SUPT3H: variants seen among roughly 807,000 people sequenced by gnomAD.
SUPT3H encodes transcription initiation protein SPT3 homolog.
SUPT3H carries 44 observed loss-of-function variants against 44.3 expected under a neutral mutation model. The observed-to-expected ratio is 0.99, with a 90% CI of 0.78 to 1.28. The LOEUF is 1.28. SUPT3H is among the 50% of genes most tolerant of loss of function. The pLI is 0.00. For synonymous variants in SUPT3H, 124 were observed against 125.6 expected (o/e 0.99, Z 0.09); for missense variants, 380 against 387.1 (o/e 0.98, Z 0.15).
chr6:44,908,064 A>G (rs1766389847), intron 10 of SUPT3H, among the ~76,000 whole-genome samples: 1 of 152,158 alleles, frequency 6.6e-6, no homozygotes, highest in Admixed American at 6.6e-5. Context: ...CAAGGAAAAA[A>G]TTTTAACAAC....
intron 3 of SUPT3H, among the ~76,000 whole-genome samples, chr6:45,102,947 G>GAAGA (rs1554247851): frequency 1.8e-5 from 2 of 111,424 alleles, no homozygotes; most frequent in African/African-American, 6.6e-5. Flanking sequence ...TCAAAAAAAA[G>GAAGA]AAAAAAAAAA....
chr6:44,839,908 G>A (rs2153415487), intron 10 of SUPT3H, among the ~76,000 whole-genome samples: 1 of 152,154 alleles, frequency 6.6e-6, no homozygotes, highest in East Asian at 2.0e-4. Flanking sequence ...CACCGTGTTA[G>A]CCAGGATGGT....
chr6:44,984,010 T>C (rs1272687820), intron 6 of SUPT3H, among the ~76,000 whole-genome samples: 1 of 152,182 alleles, frequency 6.6e-6, no homozygotes. Context: ...AGCATATATA[T>C]GGCATATTAT....
intron 2 of SUPT3H, among the ~76,000 whole-genome samples, chr6:45,145,804 A>G (rs1379930237): frequency 6.6e-6 from 1 of 152,162 alleles, no homozygotes; most frequent in Non-Finnish European, 1.5e-5. Flanking sequence ...CAATGAACTC[A>G]CAAAAATCAG....
intron 1 of SUPT3H, among the ~76,000 whole-genome samples, chr6:45,368,652 G>A (rs1390544276): frequency 6.6e-6 from 1 of 152,026 alleles, no homozygotes; most frequent in Non-Finnish European, 1.5e-5. Flanking sequence ...TCAAAATCTG[G>A]ACTGTGAAAA....
chr6:44,961,211 G>A (rs1008688669), intron 7 of SUPT3H, among the ~76,000 whole-genome samples: 6 of 152,116 alleles, frequency 3.9e-5, no homozygotes, highest in African/African-American at 1.2e-4. Flanking sequence ...ATTTTACCAC[G>A]AGGTTACTAG....
intron 3 of SUPT3H, among the ~76,000 whole-genome samples, chr6:45,078,892 GAC>G (rs1795374239): frequency 6.6e-6 from 1 of 152,052 alleles, no homozygotes; most frequent in Non-Finnish European, 1.5e-5. Flanking sequence ...TTTGACTTTT[GAC>G]AGTTTAATTA....
At chr6:45,113,293 T>C (rs1333157730) in intron 2 of SUPT3H, among the ~76,000 whole-genome samples, 1 of 152,166 alleles carries the variant, frequency 6.6e-6, no homozygotes, top group Non-Finnish European at 1.5e-5. Flanking sequence ...GTTGTTTATG[T>C]CATTCTTACC....
rs187087327 is a variant in SUPT3H at position 45,141,111 on chromosome 6, G to A, written c.102-35105C>T. 2.3e-3 allele frequency among the ~76,000 whole-genome samples: 357 copies of A among 151,978 alleles called. 1 individual carries two copies. The highest frequency in any genetic ancestry group is 7.8e-3 in the African/African-American group (324 of 41,470). ...TCCCAGCACTTTAGGAGGCCAAGGCGGGTGGATCACCTGAGGTCAGGAGAT... is the reference window on the plus strand; with the variant it reads ...TCCCAGCACTTTAGGAGGCCAAGGCAGGTGGATCACCTGAGGTCAGGAGAT... On this transcript the variant is annotated intron_variant, in intron 2 of 10. Transcript: ENST00000371459.
chr6:44,917,764 A>C (rs1269829318), intron 10 of SUPT3H, among the ~76,000 whole-genome samples: 3 of 152,242 alleles, frequency 2.0e-5, no homozygotes, highest in African/African-American at 7.2e-5. Context: ...AGAGCTGTGT[A>C]ATCCAAGTAT....
chr6:45,297,726 C>CT (rs1781516490), intron 2 of SUPT3H, among the ~76,000 whole-genome samples: 1 of 152,148 alleles, frequency 6.6e-6, no homozygotes, highest in African/African-American at 2.4e-5. Context: ...TACTTCCCTT[C>CT]TCCCCATTAC....
In SUPT3H at chr6:45,185,118, C is replaced by G. The variant is rs150299920; in HGVS notation, c.102-79112G>C. Among the ~76,000 whole-genome samples, 383 of 152,286 alleles carry G rather than the reference C, an allele frequency of 2.5e-3. 4 individuals are homozygous for G. The highest frequency in any genetic ancestry group is 8.7e-3 in the African/African-American group (362 of 41,568). ...GGAGGAACTGATTTTACATTCCCCT[C>G]TGTGGATCGCATTCCTCCAACTGAT... On this transcript the variant is annotated intron_variant, in intron 2 of 10. Coordinates refer to ENST00000371459, the MANE Select transcript of SUPT3H (RefSeq NM_003599.4).
chr6:44,917,562 C>A (rs969701639), intron 10 of SUPT3H, among the ~76,000 whole-genome samples: 1 of 152,136 alleles, frequency 6.6e-6, no homozygotes, highest in African/African-American at 2.4e-5. Context: ...TCTAAACATG[C>A]AAATATGACT....
chr6:45,201,003 A>G (rs1762389850), intron 2 of SUPT3H, among the ~76,000 whole-genome samples: 1 of 151,546 alleles, frequency 6.6e-6, no homozygotes, highest in African/African-American at 2.4e-5. Context: ...TTACTTCCTT[A>G]TGGGAACAAT....
intron 10 of SUPT3H, among the ~76,000 whole-genome samples, chr6:44,918,785 A>C (rs1768193679): frequency 6.6e-6 from 1 of 152,178 alleles, no homozygotes; most frequent in African/African-American, 2.4e-5. Context: ...AGTACACAAA[A>C]GGGGGTCTGG....
chr6:44,916,648 A>T (rs1015979298), intron 10 of SUPT3H, among the ~76,000 whole-genome samples: 2 of 152,226 alleles, frequency 1.3e-5, no homozygotes, highest in Non-Finnish European at 2.9e-5. Context: ...TCTCTGTCTC[A>T]CACTCAAATG....
chr6:45,304,553 T>A (rs1191601071), intron 2 of SUPT3H, among the ~76,000 whole-genome samples: 1 of 152,214 alleles, frequency 6.6e-6, no homozygotes, highest in Non-Finnish European at 1.5e-5. Context: ...CAGAAGTTAT[T>A]TCAAAGCTAT....
At chr6:45,224,859 T>A (rs1021531243) in intron 2 of SUPT3H, among the ~76,000 whole-genome samples, 6 of 151,954 alleles carry the variant, frequency 3.9e-5, no homozygotes, top group African/African-American at 1.4e-4. Context: ...GGTAAGATAA[T>A]TTTTCATTTA....
At chr6:45,287,491 AACCAGTC>A (rs1340689245) in intron 2 of SUPT3H, among the ~76,000 whole-genome samples, 2 of 152,198 alleles carry the variant, frequency 1.3e-5, no homozygotes, top group African/African-American at 4.8e-5. Flanking sequence ...TAGTGAAATA[AACCAGTC>A]ACCAAAGGAT....
Sources: allele counts gnomAD v4.1 joint callset (sites outside exome capture counted in the v4.1 genomes callset), GRCh38; gene constraint gnomAD v4.1.1; transcripts MANE v1.5; gene names NCBI Gene and HGNC (gene_info 2026-07-23, HGNC 2026-07-21).